Variants in ZRANB3 observed in about 807,000 individuals in gnomAD.
ZRANB3 encodes zinc finger RANBP2-type containing 3, also known as DNA annealing helicase and endonuclease ZRANB3.
ZRANB3 carries 125 observed loss-of-function variants against 133.8 expected under a neutral mutation model. The observed-to-expected ratio is 0.93, with a 90% CI of 0.81 to 1.08. The LOEUF is 1.08. Ranked by LOEUF, ZRANB3 falls within the 50% of genes least tolerant of loss-of-function variation. The probability of loss-of-function intolerance (pLI) is 0.00; values close to 1 mark genes in which losing one functional copy is unlikely to be tolerated. For synonymous variants in ZRANB3, 387 were observed against 432.7 expected (o/e 0.89, Z 1.31); for missense variants, 1,229 against 1,275.5 (o/e 0.96, Z 0.56).
At chr2:135,456,315 T>C (rs757427003) in intron 2 of ZRANB3, among the ~76,000 whole-genome samples, 5 of 152,228 alleles carry the variant, frequency 3.3e-5, no homozygotes, top group South Asian at 4.1e-4. Context: ...AGGTTCTCCA[T>C]CTAGCTGGCA....
At chr2:135,284,793 C>T (rs1457660889) in intron 8 of ZRANB3, among the ~76,000 whole-genome samples, 1 of 150,360 alleles carries the variant, frequency 6.7e-6, no homozygotes, top group Non-Finnish European at 1.5e-5. Context: ...TTTACTCATC[C>T]TCACTTCCTT....
intron 3 of ZRANB3, among the ~76,000 whole-genome samples, chr2:135,355,608 C>T (rs1413823640): frequency 1.3e-5 from 2 of 152,204 alleles, no homozygotes; most frequent in Admixed American, 6.5e-5. Flanking sequence ...CCACCCACCT[C>T]GGCCTCCCAA....
chr2:135,419,028 C>T (rs77433791), intron 2 of ZRANB3, among the ~76,000 whole-genome samples: 5,741 of 145,850 alleles, frequency 0.039, 387 homozygotes, highest in African/African-American at 0.14. Flanking sequence ...ATCTCTGCCT[C>T]CCGGGTTCAC....
intron 2 of ZRANB3, among the ~76,000 whole-genome samples, chr2:135,394,718 G>GT (rs747964962): frequency 3.3e-5 from 5 of 151,772 alleles, no homozygotes; most frequent in Non-Finnish European, 5.9e-5. Context: ...TTTACATTGT[G>GT]TTTTTTTACC....
chr2:135,238,470 T>C (rs902242015), intron 12 of ZRANB3, among the ~76,000 whole-genome samples: 3 of 151,168 alleles, frequency 2.0e-5, no homozygotes, highest in Non-Finnish European at 4.4e-5. Flanking sequence ...CTTGGCTCAC[T>C]GCAACCTCCG....
At chr2:135,502,100 A>G (rs1238933161) in intron 2 of ZRANB3, among the ~76,000 whole-genome samples, 1 of 152,182 alleles carries the variant, frequency 6.6e-6, no homozygotes, top group African/African-American at 2.4e-5. Flanking sequence ...TATATCCTTA[A>G]ATTATTTTTA....
chr2:135,325,016 G>A (rs1419044398), intron 6 of ZRANB3, among the ~76,000 whole-genome samples: 1 of 151,972 alleles, frequency 6.6e-6, no homozygotes, highest in African/African-American at 2.4e-5. Flanking sequence ...TTAAATAAAT[G>A]GAAAGACATT....
chr2:135,402,676 T>A (rs1687793436), intron 2 of ZRANB3, among the ~76,000 whole-genome samples: 1 of 151,552 alleles, frequency 6.6e-6, no homozygotes, highest in South Asian at 2.1e-4. Context: ...AACCTCCACC[T>A]CCTGGGTTCA....
intron 3 of ZRANB3, among the ~76,000 whole-genome samples, chr2:135,369,293 T>C (rs966251848): frequency 2.0e-5 from 3 of 152,128 alleles, no homozygotes; most frequent in African/African-American, 7.2e-5. Context: ...TCTCATTTCC[T>C]ATGGGCTTAA....
rs576426515 is a variant in ZRANB3 at position 135,353,649 on chromosome 2, A to T, written c.181-21T>A. The T allele has an allele frequency of 1.3e-5, 18 of 1,372,014 alleles. No individual in the cohort carries two copies. The Admixed American group carries it at 5.5e-4, about 42-fold the overall frequency. The allele number at this position is 1,372,014 out of a possible 1,614,324, so 85.0% of individuals were successfully genotyped here. A position where few individuals can be genotyped will look rare whatever the true frequency, so the allele number is the denominator to read the frequency against. ...CCCATCTAAATTAAAAAATAAATAA[A>T]TGTTAATAATAGAGCCTAAAATATT... On this transcript the variant is annotated intron_variant, in intron 3 of 20. Transcript: ENST00000264159.
At chr2:135,419,986 C>T (rs1334459569) in intron 2 of ZRANB3, among the ~76,000 whole-genome samples, 3 of 150,380 alleles carry the variant, frequency 2.0e-5, no homozygotes, top group East Asian at 1.9e-4. Flanking sequence ...AACTTTAACT[C>T]GCTCTCTCGC....
At chr2:135,527,144 A>G (rs1011674716) in intron 1 of ZRANB3, among the ~76,000 whole-genome samples, 3 of 152,122 alleles carry the variant, frequency 2.0e-5, no homozygotes, top group African/African-American at 7.2e-5. Context: ...GGCCATGGTC[A>G]CTCATATTTG....
intron 2 of ZRANB3, among the ~76,000 whole-genome samples, chr2:135,393,646 G>A (rs1170994354): frequency 6.6e-6 from 1 of 152,064 alleles, no homozygotes; most frequent in Non-Finnish European, 1.5e-5. Context: ...CCAAGTTTCA[G>A]GATGGATTAA....
chr2:135,408,648 A>G (rs1453799296), intron 2 of ZRANB3, among the ~76,000 whole-genome samples: 2 of 152,214 alleles, frequency 1.3e-5, no homozygotes, highest in Admixed American at 6.5e-5. Context: ...TGCAGCCATA[A>G]AAAGTGATGA....
intron 2 of ZRANB3, among the ~76,000 whole-genome samples, chr2:135,472,918 A>C (rs1691336780): frequency 6.6e-6 from 1 of 152,204 alleles, no homozygotes; most frequent in Admixed American, 6.5e-5. Context: ...TATATATGTA[A>C]CACTTCTAGC....
intron 3 of ZRANB3, among the ~76,000 whole-genome samples, chr2:135,373,616 C>T (rs1244733860): frequency 4.0e-5 from 6 of 151,822 alleles, no homozygotes; most frequent in African/African-American, 4.8e-5. Flanking sequence ...GGCAAAACCC[C>T]GTCTCAACTA....
At chr2:135,454,208 T>C (rs111506460) in intron 2 of ZRANB3, among the ~76,000 whole-genome samples, 1 of 152,192 alleles carries the variant, frequency 6.6e-6, no homozygotes, top group African/African-American at 2.4e-5. Context: ...CATGTGTTAA[T>C]AGGAAATATT....
In ZRANB3 at chr2:135,476,236, A is replaced by T. The variant is rs1416775059; in HGVS notation, c.161+28093T>A. Among the ~76,000 whole-genome samples, 4 of 152,256 alleles carry T rather than the reference A, an allele frequency of 2.6e-5. No individual in the cohort carries two copies. In the East Asian group the frequency reaches 7.7e-4, roughly 29 times the overall value. The stretch of plus-strand genomic sequence containing the variant: ...TTTTGAAATAAGTGGGGACATTTTA[A>T]TATGTACCAAATATTAGATATATTC... On this transcript the variant is annotated intron_variant, in intron 2 of 20. Transcript: ENST00000264159.
At chr2:135,332,729 T>C (rs147302384) in intron 6 of ZRANB3, among the ~76,000 whole-genome samples, 4 of 152,266 alleles carry the variant, frequency 2.6e-5, no homozygotes, top group Non-Finnish European at 5.9e-5. Context: ...TACCCCATCC[T>C]TCGAAGGTGC....
Sources: allele counts gnomAD v4.1 joint callset (sites outside exome capture counted in the v4.1 genomes callset), GRCh38; gene constraint gnomAD v4.1.1; transcripts MANE v1.5; gene names NCBI Gene and HGNC (gene_info 2026-07-23, HGNC 2026-07-21).